The following FGF14 variants were observed in gnomAD, a reference collection of about 807,000 sequenced individuals.
FGF14 encodes fibroblast growth factor 14.
In FGF14, 5 loss-of-function variants were observed where a neutral mutation model predicts 25.5. That is an observed-to-expected ratio of 0.20 (90% CI 0.10 to 0.41). The LOEUF (loss-of-function observed/expected upper bound fraction) is 0.41. FGF14 is among the 10% of genes least tolerant of loss of function. FGF14 has a pLI of 1.00. For missense variants in FGF14, 222 were observed against 320.1 expected (o/e 0.69, Z 2.34); for synonymous variants, 138 against 118.3 (o/e 1.17, Z -1.08).
intron 1 of FGF14, among the ~76,000 whole-genome samples, chr13:101,950,925 A>C (rs1487950628): frequency 6.6e-6 from 1 of 152,132 alleles, no homozygotes; most frequent in African/African-American, 2.4e-5. Flanking sequence ...TTTAAAGAAA[A>C]GTGTTGGAAA....
chr13:101,965,413 A>C (rs1178116672), intron 1 of FGF14, among the ~76,000 whole-genome samples: 1 of 152,138 alleles, frequency 6.6e-6, no homozygotes, highest in Non-Finnish European at 1.5e-5. Context: ...TACTATATAA[A>C]ATGATGAAAA....
intron 1 of FGF14, among the ~76,000 whole-genome samples, chr13:101,898,818 C>T (rs2031114179): frequency 6.6e-6 from 1 of 152,144 alleles, no homozygotes; most frequent in Non-Finnish European, 1.5e-5. Context: ...GTTGATGGCA[C>T]TGGAGAGCTT....
At chr13:102,245,350 T>G (rs552745414) in intron 1 of FGF14, among the ~76,000 whole-genome samples, 1 of 152,256 alleles carries the variant, frequency 6.6e-6, no homozygotes, top group South Asian at 2.1e-4. Flanking sequence ...GAACAATTAC[T>G]GAAATGTCTT....
At chr13:102,285,876 C>A (rs574463489) in intron 1 of FGF14, among the ~76,000 whole-genome samples, 76 of 152,258 alleles carry the variant, frequency 5.0e-4, no homozygotes, top group Non-Finnish European at 9.3e-4. Context: ...GCTGATACTT[C>A]AAGGCAAAGG....
intron 1 of FGF14, among the ~76,000 whole-genome samples, chr13:102,104,050 G>A (rs894175965): frequency 1.3e-5 from 2 of 152,152 alleles, no homozygotes; most frequent in Non-Finnish European, 2.9e-5. Flanking sequence ...AGGATATCGA[G>A]CAGGCGTGAC....
At chr13:102,241,480 G>C (rs548708230) in intron 1 of FGF14, among the ~76,000 whole-genome samples, 14 of 152,126 alleles carry the variant, frequency 9.2e-5, no homozygotes, top group Admixed American at 5.2e-4. Context: ...AGAAGAAACA[G>C]CAATAAAGTT....
In FGF14 at chr13:101,716,758, A is replaced by G. The variant is rs559258571; in HGVS notation, c.*6073T>C. 4.7e-5 allele frequency: 7 copies of G among 150,458 alleles called. No homozygotes were observed. Among genetic ancestry groups the G allele is most frequent in the African/African-American group, 1.7e-4 (7 of 40,868 alleles). The allele number at this position is 150,458 out of a possible 1,614,324, so 9.3% of individuals were successfully genotyped here. On this transcript the variant is annotated 3_prime_UTR_variant, in exon 5 of 5. Coordinates refer to ENST00000376143, the MANE Select transcript of FGF14 (RefSeq NM_004115.4). ...AGTCAAGACGAGAAATACTGTGATA[A>G]AATGGCACCAATCTCAGAAGCTCAC...
intron 1 of FGF14, among the ~76,000 whole-genome samples, chr13:102,057,046 C>A (rs182158504): frequency 1.5e-4 from 22 of 151,704 alleles, no homozygotes; most frequent in Admixed American, 1.2e-3. Context: ...TAGATCATTG[C>A]TGCCAATAAA....
chr13:101,828,472 C>CT (rs59346051), intron 3 of FGF14, among the ~76,000 whole-genome samples: 17,566 of 141,054 alleles, frequency 0.12, 1,317 homozygotes, highest in East Asian at 0.38. Context: ...AAATAAAAGA[C>CT]TTTTTTTTTT....
intron 3 of FGF14, among the ~76,000 whole-genome samples, chr13:101,847,274 T>G (rs1403605669): frequency 6.6e-6 from 1 of 152,032 alleles, no homozygotes; most frequent in Admixed American, 6.6e-5. Context: ...CTGTCAGTGA[T>G]CACTGCCTCT....
intron 1 of FGF14, among the ~76,000 whole-genome samples, chr13:101,912,677 T>A (rs538245969): frequency 1.6e-4 from 25 of 152,262 alleles, no homozygotes; most frequent in African/African-American, 5.5e-4. Flanking sequence ...TGCATTCTTA[T>A]AAATAACCCA....
chr13:101,921,757 C>T (rs917909516), upstream of FGF14, among the ~76,000 whole-genome samples: 1 of 152,182 alleles, frequency 6.6e-6, no homozygotes, highest in Non-Finnish European at 1.5e-5. Flanking sequence ...CTTCACTTAC[C>T]ACTTGCTGTC....
intron 1 of FGF14, among the ~76,000 whole-genome samples, chr13:102,384,781 CA>C (rs2058263094): frequency 6.6e-6 from 1 of 152,142 alleles, no homozygotes; most frequent in Non-Finnish European, 1.5e-5. Context: ...GATCAGCTCT[CA>C]AAGTCATCAC....
chr13:101,985,856 TA>T (rs35411203), intron 1 of FGF14, among the ~76,000 whole-genome samples: 1 of 151,904 alleles, frequency 6.6e-6, no homozygotes, highest in African/African-American at 2.4e-5. Context: ...CCCATGTTCT[TA>T]AAAAAAAGTT....
intron 1 of FGF14, among the ~76,000 whole-genome samples, chr13:102,331,741 C>T (rs1167975873): frequency 6.6e-6 from 1 of 152,102 alleles, no homozygotes; most frequent in Non-Finnish European, 1.5e-5. Flanking sequence ...ATTTTTCATA[C>T]ATAATTGGTG....
chr13:101,837,047 C>T (rs1000371506), intron 3 of FGF14, among the ~76,000 whole-genome samples: 1 of 151,926 alleles, frequency 6.6e-6, no homozygotes, highest in Admixed American at 6.6e-5. Flanking sequence ...TAATGTTGGG[C>T]TAAACTACGT....
chr13:101,972,946 A>C (rs4335655), intron 1 of FGF14, among the ~76,000 whole-genome samples: 56,461 of 152,072 alleles, frequency 0.37, 10,924 homozygotes, highest in East Asian at 0.71. Context: ...AAGCTTGATG[A>C]AGAATTGACA....
At chr13:102,241,113 C>T (rs771455419) in intron 1 of FGF14, among the ~76,000 whole-genome samples, 21 of 152,152 alleles carry the variant, frequency 1.4e-4, no homozygotes, top group Non-Finnish European at 2.6e-4. Context: ...TTATATCCCA[C>T]CAGACTGATA....
chr13:102,034,095 G>A (rs1438667099), intron 1 of FGF14, among the ~76,000 whole-genome samples: 2 of 152,126 alleles, frequency 1.3e-5, no homozygotes, highest in East Asian at 1.9e-4. Flanking sequence ...CTAACAGCAG[G>A]AAAGGAGAAG....
Sources: gnomAD v4.1 joint callset for allele counts (sites outside exome capture counted in the v4.1 genomes callset) on GRCh38, gnomAD v4.1.1 for gene constraint, MANE v1.5 for transcripts, NCBI Gene and HGNC (gene_info 2026-07-23, HGNC 2026-07-21) for gene names.